CYLD: variants seen among roughly 807,000 people sequenced by gnomAD.
CYLD encodes the protein CYLD lysine 63 deubiquitinase, also known as ubiquitin carboxyl-terminal hydrolase CYLD.
CYLD carries 26 observed loss-of-function variants against 104.5 expected under a neutral mutation model. The observed-to-expected ratio is 0.25, with a 90% confidence interval of 0.18 to 0.35. The LOEUF is 0.35. Ranked by LOEUF, CYLD falls within the 10% of genes least tolerant of loss-of-function variation. CYLD has a pLI of 1.00. For synonymous variants in CYLD, 385 were observed against 399.9 expected (o/e 0.96, Z 0.45); for missense variants, 703 against 1,136.1 (o/e 0.62, Z 5.48).
intron 5 of CYLD, among the ~76,000 whole-genome samples, chr16:50,756,763 A>G (rs978191014): frequency 2.0e-5 from 3 of 152,226 alleles, no homozygotes; most frequent in Admixed American, 6.5e-5. Context: ...ATACTTTTTT[A>G]CATTCTTAAC....
intron 2 of CYLD, among the ~76,000 whole-genome samples, chr16:50,747,312 A>T (rs1218568700): frequency 6.6e-6 from 1 of 152,244 alleles, no homozygotes; most frequent in Non-Finnish European, 1.5e-5. Context: ...TTGGAAAGCA[A>T]CAAGGCCGTA....
chr16:50,747,057 TA>T (rs1216325004), intron 2 of CYLD, among the ~76,000 whole-genome samples: 1 of 152,158 alleles, frequency 6.6e-6, no homozygotes, highest in Non-Finnish European at 1.5e-5. Context: ...ATTTTGGCCC[TA>T]AAAATCTAAA....
intron 5 of CYLD, among the ~76,000 whole-genome samples, chr16:50,769,509 T>G (rs532126964): frequency 6.6e-6 from 1 of 152,320 alleles, no homozygotes; most frequent in South Asian, 2.1e-4. Flanking sequence ...TGGCCGATTA[T>G]TAATTGTTTC....
rs776938839 is a variant in CYLD at position 50,750,216 on chromosome 16, A to G, written c.504+14A>G. On this transcript the variant is annotated intron_variant, in intron 3 of 18. Transcript: ENST00000427738. ...GTTGAATTGCTGGTAAGTTTGATAA[A>G]CCATTTTAGTAGTGTGTTTGTTTGT... 24 of 1,613,112 alleles carry G rather than the reference A, an allele frequency of 1.5e-5. No homozygotes were observed. The Admixed American group carries it at 4.0e-4, about 27-fold the overall frequency.
intron 5 of CYLD, among the ~76,000 whole-genome samples, chr16:50,770,822 T>C (rs1284034915): frequency 1.3e-5 from 2 of 152,234 alleles, no homozygotes; most frequent in Non-Finnish European, 2.9e-5. Flanking sequence ...CTGTGCTTTT[T>C]TACTGTTGAG....
At chr16:50,791,523 A>C (rs773516548) in intron 14 of CYLD, 35 bp from the exon 15 acceptor site, 1 of 1,611,508 alleles carries the variant, frequency 6.2e-7, no homozygotes, top group Non-Finnish European at 8.5e-7. Flanking sequence ...TTTGATAAAT[A>C]GGTTGTATGT....
At chr16:50,796,192 C>T in intron 18 of CYLD, 132 bp from the exon 19 acceptor site, 1 of 836,058 alleles carries the variant, frequency 1.2e-6, no homozygotes, top group Non-Finnish European at 1.9e-6. Flanking sequence ...CTTTCACTTC[C>T]AGAAATCAGA....
In CYLD at chr16:50,780,020, T is replaced by G; in HGVS notation, c.1494T>G (p.Asn498Lys). ...GGATCGGTCAGCCACCAGGACTGAA[T>G]GAAGTGCTCGCTGGACTGGAACTGG... ...IRWIGQPPGLNEVLAGLELED... is the reference protein window; with the variant it reads ...IRWIGQPPGLKEVLAGLELED... The change falls in exon 9 of 19, where the codon AAT becomes AAG. Residue 498 changes from asparagine (N) to lysine (K), a missense_variant. This residue lies in a region of CYLD where 183 missense variants were observed against 212.1 expected (regional missense o/e 0.86). Transcript: ENST00000427738. 6.2e-7 allele frequency: 1 copy of G among 1,614,158 alleles called. No individual in the cohort carries two copies. Among genetic ancestry groups the G allele is most frequent in the Non-Finnish European group, 8.5e-7 (1 of 1,179,996 alleles).
Position 50,781,217 on chromosome 16 carries a change from T to C in CYLD, c.1519-29T>C. 4 of 1,612,698 alleles carry C rather than the reference T, an allele frequency of 2.5e-6. No homozygotes were observed. The South Asian group carries it at 3.3e-5, about 13-fold the overall frequency. Reference sequence around the variant, plus strand: ...TATACTATCTCTGTAAGGCACGGTATAATGCATATTGAAGCATTTCTTTTT... The same window carrying C: ...TATACTATCTCTGTAAGGCACGGTACAATGCATATTGAAGCATTTCTTTTT... On this transcript the variant is annotated intron_variant, in intron 9 of 18. Coordinates refer to ENST00000427738, the MANE Select transcript of CYLD (RefSeq NM_001378743.1).
At chr16:50,792,957 T>C (rs1361796568) in intron 16 of CYLD, among the ~76,000 whole-genome samples, 1 of 152,212 alleles carries the variant, frequency 6.6e-6, no homozygotes, top group East Asian at 1.9e-4. Flanking sequence ...ACAACTTGAA[T>C]GTTAACCAGA....
rs546722267 is a variant in CYLD at position 50,800,282 on chromosome 16, C to T, written c.*3774C>T. 1.3e-5 allele frequency: 3 copies of T among 233,384 alleles called. No individual in the cohort carries two copies. In the Admixed American group the frequency reaches 1.7e-4, roughly 13 times the overall value. The allele number at this position is 233,384 out of a possible 1,614,324, so 14.5% of individuals were successfully genotyped here. On this transcript the variant is annotated 3_prime_UTR_variant, in exon 19 of 19. Coordinates refer to ENST00000427738, the MANE Select transcript of CYLD (RefSeq NM_001378743.1). ...CCTAGGAAATCTGTGAGGGAATCCC[C>T]AGGGGAATCTCGTGACCAGCCAGGT...
intron 13 of CYLD, 155 bp from the exon 14 acceptor site, chr16:50,787,631 C>T: frequency 1.8e-6 from 1 of 562,246 alleles, no homozygotes; most frequent in African/African-American, 1.9e-5. Flanking sequence ...TATGTTTTTC[C>T]TTTGTCAGGA....
chr16:50,752,239 G>A (rs781731293), intron 4 of CYLD, among the ~76,000 whole-genome samples: 3 of 149,036 alleles, frequency 2.0e-5, no homozygotes, highest in Non-Finnish European at 3.0e-5. Flanking sequence ...CTTTAAATTT[G>A]CCTTATTGTA....
chr16:50,784,024 T>G, intron 11 of CYLD: 1 of 349,226 alleles, frequency 2.9e-6, no homozygotes, highest in Non-Finnish European at 5.5e-6. Flanking sequence ...TCTATCAACT[T>G]TTGCAAAGAA....
rs1970214870 is a variant in CYLD at position 50,781,531 on chromosome 16, G to A, written c.1684+120G>A. ...TATATTTCTTGCCAACGCTCATTAA[G>A]CTTTAAATCAGTAAAAATGTTGCAT... On this transcript the variant is annotated intron_variant, in intron 10 of 18. Transcript: ENST00000427738. The A allele has an allele frequency of 4.0e-6, 5 of 1,257,110 alleles. No individual in the cohort carries two copies. The Admixed American group carries it at 6.0e-5, about 15-fold the overall frequency. The allele number at this position is 1,257,110 out of a possible 1,614,324, so 77.9% of individuals were successfully genotyped here.
chr16:50,749,866 G>A lies in CYLD; in HGVS notation c.168G>A (p.Gly56=), dbSNP rs761931123. 2 of 1,614,106 alleles carry A rather than the reference G, an allele frequency of 1.2e-6. No homozygotes were observed. Among genetic ancestry groups the A allele is most frequent in the Non-Finnish European group, 8.5e-7 (1 of 1,180,014 alleles). ...AGTATATTCAAGATCGTTCTGTGGG[G>A]CATTCAAGGATTCCTTCTGCAAAAG... is the stretch of plus-strand genomic sequence containing the variant. ...IGQYIQDRSV[G]HSRIPSAKGK... The change falls in exon 3 of 19, where the codon GGG becomes GGA. Residue 56 remains glycine, a synonymous_variant. Transcript: ENST00000427738.
At chr16:50,782,258 G>A in intron 10 of CYLD, 67 bp from the exon 11 acceptor site, 1 of 1,180,686 alleles carries the variant, frequency 8.5e-7, no homozygotes, top group Non-Finnish European at 1.2e-6. Flanking sequence ...AAATATTTAT[G>A]GGAATACATA....
intron 3 of CYLD, among the ~76,000 whole-genome samples, chr16:50,751,234 T>A (rs1231425456): frequency 6.6e-6 from 1 of 152,226 alleles, no homozygotes; most frequent in East Asian, 1.9e-4. Flanking sequence ...GGTACATTGA[T>A]GCAGGATTTA....
In CYLD at chr16:50,792,676, A is replaced by C. The variant is rs1286084448; in HGVS notation, c.2321A>C (p.Glu774Ala). The stretch of plus-strand genomic sequence containing the variant: ...TTTAAAAAAATTTTTCCTTCTCTGG[A>C]ATTAAATATAACAGATTTACTTGAA... ...KLFKKIFPSL[E>A]LNITDLLEDT... Residue 774 changes from glutamate to alanine, a missense_variant, in exon 16 of 19, where the codon GAA (glutamate) becomes GCA (alanine). Physicochemically the swap from Glu to Ala is moderately radical, Grantham distance 107. This residue lies in a region of CYLD where 125 missense variants were observed against 325.4 expected (regional missense o/e 0.38). Transcript: ENST00000427738. 1.3e-6 allele frequency: 2 copies of C among 1,541,184 alleles called. No homozygotes were observed. The highest frequency in any genetic ancestry group is 1.8e-6 in the Non-Finnish European group (2 of 1,118,220).
Sources: allele counts gnomAD v4.1 joint callset (sites outside exome capture counted in the v4.1 genomes callset), GRCh38; gene constraint gnomAD v4.1.1; regional missense constraint gnomAD v4.1.1; transcripts MANE v1.5; gene names NCBI Gene and HGNC (gene_info 2026-07-23, HGNC 2026-07-21).